The following NDUFA10 variants were observed in gnomAD, a reference collection of about 807,000 sequenced individuals.
The protein encoded by NDUFA10 is NADH dehydrogenase [ubiquinone] 1 alpha subcomplex subunit 10, mitochondrial.
NDUFA10 carries 40 observed loss-of-function variants against 47.8 expected under a neutral mutation model. The observed-to-expected ratio is 0.84, with a 90% CI of 0.65 to 1.09. The LOEUF is 1.09. Ranked by LOEUF, NDUFA10 falls within the 50% of genes least tolerant of loss-of-function variation. The pLI, the probability that NDUFA10 is intolerant of heterozygous loss-of-function variation, is 0.00. For synonymous variants in NDUFA10, 183 were observed against 172.2 expected, an observed-to-expected ratio of 1.06 and a Z score of -0.49; for missense variants, 413 against 451.1, an observed-to-expected ratio of 0.92 and a Z score of 0.76.
intron 8 of NDUFA10, among the ~76,000 whole-genome samples, chr2:239,993,683 G>A (rs1404344070): frequency 6.6e-6 from 1 of 152,160 alleles, no homozygotes; most frequent in African/African-American, 2.4e-5. Flanking sequence ...AGAGGCAGAG[G>A]AGCAGAGACC....
chr2:239,965,234 C>G (rs1695010391), intron 9 of NDUFA10, among the ~76,000 whole-genome samples: 1 of 151,908 alleles, frequency 6.6e-6, no homozygotes, highest in Non-Finnish European at 1.5e-5. Flanking sequence ...GTTAACTGGC[C>G]TTTGATACCC....
At chr2:239,933,901 A>G (rs1694219931) in intron 4 of NDUFA10, among the ~76,000 whole-genome samples, 1 of 152,182 alleles carries the variant, frequency 6.6e-6, no homozygotes, top group Non-Finnish European at 1.5e-5. Flanking sequence ...TCTGTCACCC[A>G]GGCTGGAGTG....
At chr2:239,957,184 G>A (rs989209115), downstream of NDUFA10, among the ~76,000 whole-genome samples, 7 of 152,274 alleles carry the variant, frequency 4.6e-5, no homozygotes, top group Admixed American at 2.0e-4. Context: ...CCTGGGCCTC[G>A]CCCCTCAGCC....
At chr2:239,923,396 A>AT (rs1201202185) in intron 4 of NDUFA10, among the ~76,000 whole-genome samples, 1 of 152,342 alleles carries the variant, frequency 6.6e-6, no homozygotes, top group East Asian at 1.9e-4. Flanking sequence ...ATCCTGGTTC[A>AT]TAAAAAAAAC....
chr2:239,909,670 T>G (rs144202943), intron 4 of NDUFA10, among the ~76,000 whole-genome samples: 90 of 151,752 alleles, frequency 5.9e-4, no homozygotes, highest in African/African-American at 1.7e-3. Flanking sequence ...GCAATATTAT[T>G]CAGGACATAG....
chr2:239,982,571 T>C (rs887016225), intron 9 of NDUFA10, among the ~76,000 whole-genome samples: 23 of 152,312 alleles, frequency 1.5e-4, no homozygotes, highest in Non-Finnish European at 2.2e-4. Flanking sequence ...TCTGTTCTGA[T>C]GAGATCAGAC....
intron 4 of NDUFA10, among the ~76,000 whole-genome samples, chr2:239,896,967 ATGTG>A: frequency 6.6e-6 from 1 of 152,208 alleles, no homozygotes; most frequent in East Asian, 1.9e-4. Flanking sequence ...TAACATATGT[ATGTG>A]TGTATGTGTG....
At chr2:239,934,830 G>A (rs553380117) in intron 4 of NDUFA10, among the ~76,000 whole-genome samples, 2 of 152,112 alleles carry the variant, frequency 1.3e-5, no homozygotes, top group South Asian at 2.1e-4. Context: ...AGCCACCTCC[G>A]CCCCCACCCG....
At chr2:239,992,141 A>C (rs1696277677) in intron 8 of NDUFA10, among the ~76,000 whole-genome samples, 2 of 152,234 alleles carry the variant, frequency 1.3e-5, no homozygotes, top group African/African-American at 4.8e-5. Context: ...ACAAGGAATC[A>C]TTTTATGACT....
At chr2:239,995,833 G>A (rs1409242755) in intron 8 of NDUFA10, among the ~76,000 whole-genome samples, 2 of 152,160 alleles carry the variant, frequency 1.3e-5, no homozygotes, top group Admixed American at 6.5e-5. Context: ...AAACATCAGC[G>A]AAAAAGAGGG....
rs1262732222 is a variant in NDUFA10, at chr2:239,906,199, C to A, written c.295-10885G>T. Among the ~76,000 whole-genome samples, 1 of 152,150 alleles carries A rather than the reference C, an allele frequency of 6.6e-6. No individual in the cohort carries two copies. The highest frequency in any genetic ancestry group is 2.4e-5 in the African/African-American group (1 of 41,430). On this transcript the variant is annotated intron_variant, in intron 4 of 5. Coordinates refer to the NDUFA10 transcript ENST00000419408. The surrounding 1 kb of genome is among the most constrained non-coding windows in gnomAD (Gnocchi z 4.3). The stretch of plus-strand genomic sequence containing the variant: ...CACACCTTTTAACAAGAACCCCCGG[C>A]CCTCCAGGTGGTTGGAAATATTACC...
At chr2:239,981,427 G>GAA (rs4149566) in intron 9 of NDUFA10, among the ~76,000 whole-genome samples, 111,695 of 151,978 alleles carry the variant, frequency 0.73, 41,242 homozygotes, top group African/African-American at 0.79. Flanking sequence ...AATGTCTACA[G>GAA]AGAGAAGCAA....
chr2:239,922,025 CTT>C (rs1253147798), intron 4 of NDUFA10, among the ~76,000 whole-genome samples: 7,886 of 140,244 alleles, frequency 0.056, 243 homozygotes, highest in East Asian at 0.087. Flanking sequence ...TCCCTTCTTC[CTT>C]CTTTCCTTCC....
At chr2:240,015,389 C>T (rs1056852808) in intron 4 of NDUFA10, among the ~76,000 whole-genome samples, 3 of 152,182 alleles carry the variant, frequency 2.0e-5, no homozygotes, top group African/African-American at 7.2e-5. Flanking sequence ...TATTTCTTCA[C>T]AGTAATAATA....
intron 9 of NDUFA10, among the ~76,000 whole-genome samples, chr2:239,978,001 A>G (rs190530583): frequency 6.6e-6 from 1 of 152,164 alleles, no homozygotes; most frequent in African/African-American, 2.4e-5. Flanking sequence ...CCTATGAAAC[A>G]AACAGTGATC....
chr2:239,938,022 C>T (rs753074676), intron 4 of NDUFA10, among the ~76,000 whole-genome samples: 11 of 152,252 alleles, frequency 7.2e-5, no homozygotes, highest in East Asian at 1.9e-4. Context: ...TGTGCTTCTG[C>T]GGCTCTGTTT....
chr2:239,894,197 C>A (rs1225106197), intron 5 of NDUFA10, among the ~76,000 whole-genome samples: 1 of 147,744 alleles, frequency 6.8e-6, no homozygotes. Flanking sequence ...CTCCTTCTCC[C>A]TGCCTGTCCT....
intron 4 of NDUFA10, among the ~76,000 whole-genome samples, chr2:239,932,446 G>T (rs560152392): frequency 6.6e-6 from 1 of 152,310 alleles, no homozygotes; most frequent in African/African-American, 2.4e-5. Context: ...TCCATGACAC[G>T]GCACCCCCGC....
At chr2:239,919,861 C>T (rs755331550) in intron 4 of NDUFA10, among the ~76,000 whole-genome samples, 39 of 152,342 alleles carry the variant, frequency 2.6e-4, no homozygotes, top group East Asian at 7.7e-4. Context: ...ACGGCCCCTA[C>T]GGAAGGAGGG....
Sources: gnomAD v4.1 joint callset for allele counts (sites outside exome capture counted in the v4.1 genomes callset) on GRCh38, gnomAD v4.1.1 for gene constraint, Gnocchi (gnomAD v3.1) non-coding constraint, MANE v1.5 for transcripts, NCBI Gene and HGNC (gene_info 2026-07-23, HGNC 2026-07-21) for gene names.